The following DST variants were observed in gnomAD, a reference collection of about 807,000 sequenced individuals.
The protein encoded by DST is bullous pemphigoid antigen.
A neutral mutation model predicts 875.2 loss-of-function variants in DST; 253 were observed. The ratio of observed to expected loss-of-function variants is 0.29; its 90% CI spans 0.26 to 0.32. DST has a LOEUF of 0.32. DST is among the 10% of genes least tolerant of loss of function. The pLI, the probability that DST is intolerant of heterozygous loss-of-function variation, is 1.00. For missense variants in DST, 8,287 were observed against 9,111.6 expected (o/e 0.91, Z 3.68); for synonymous variants, 3,124 against 3,197.1 (o/e 0.98, Z 0.77).
At chr6:56,830,043 C>T (rs988217226) in intron 4 of DST, among the ~76,000 whole-genome samples, 1 of 152,144 alleles carries the variant, frequency 6.6e-6, no homozygotes, top group Non-Finnish European at 1.5e-5. Context: ...TAGGCACTAT[C>T]TTATAAATAT....
At chr6:56,551,055 G>A (rs1274115312) in intron 61 of DST, among the ~76,000 whole-genome samples, 8 of 152,102 alleles carry the variant, frequency 5.3e-5, no homozygotes, top group East Asian at 1.9e-4. Context: ...ACAGCTTTGT[G>A]AGCCTTGAAG....
At chr6:56,548,825 A>T (rs1016274361) in intron 61 of DST, among the ~76,000 whole-genome samples, 2 of 152,232 alleles carry the variant, frequency 1.3e-5, no homozygotes, top group Non-Finnish European at 2.9e-5. Context: ...AGAAAAACTT[A>T]TGTACAACAG....
Position 56,477,364 on chromosome 6 carries a change from A to T in DST, c.21656T>A (p.Ile7219Asn). The change falls in exon 91 of 104, where the codon ATC (isoleucine) becomes AAC (asparagine). Residue 7219 changes from isoleucine to asparagine, a missense_variant. Physicochemically the swap from Ile to Asn is moderately radical, Grantham distance 149. Around this residue, in one of 10 missense-constraint regions of DST, gnomAD observed 1,292 missense variants for 1,552.7 expected, o/e 0.83. Coordinates refer to ENST00000680361, the MANE Select transcript of DST (RefSeq NM_001374736.1). Reference protein sequence around the residue: ...ITTIKHWITIIRARFEEVLAW... With the variant: ...ITTIKHWITINRARFEEVLAW... ...ACTGACCTCCTCAAACCTCGCCCGG[A>T]TGATTGTTATCCAGTGCTTAATGGT... 31 of 1,613,940 alleles carry T rather than the reference A, an allele frequency of 1.9e-5. No homozygotes were observed. Among genetic ancestry groups the T allele is most frequent in the Non-Finnish European group, 2.6e-5 (31 of 1,179,840 alleles).
At chr6:56,638,929 G>A (rs567495962) in intron 22 of DST, 28 of 361,864 alleles carry the variant, frequency 7.7e-5, no homozygotes, top group African/African-American at 5.9e-4. Flanking sequence ...AGGAAAATGA[G>A]GCTTGGCAAT....
At chr6:56,898,448 T>C (rs1473052302) in intron 3 of DST, among the ~76,000 whole-genome samples, 2 of 152,232 alleles carry the variant, frequency 1.3e-5, no homozygotes, top group African/African-American at 4.8e-5. Context: ...TTTCTAAACT[T>C]TAATGATAGT....
At chr6:56,504,330 A>G (rs565458350) in intron 77 of DST, among the ~76,000 whole-genome samples, 1 of 152,286 alleles carries the variant, frequency 6.6e-6, no homozygotes, top group African/African-American at 2.4e-5. Context: ...TTGTTTATTC[A>G]ATAGATTCTT....
chr6:56,689,603 CTT>C (rs2099213893), intron 9 of DST, among the ~76,000 whole-genome samples: 1 of 152,186 alleles, frequency 6.6e-6, no homozygotes, highest in Non-Finnish European at 1.5e-5. Flanking sequence ...TGGGGCCAGG[CTT>C]TGAGAAGTAC....
intron 2 of DST, among the ~76,000 whole-genome samples, chr6:56,922,052 T>C (rs1804562086): frequency 6.6e-6 from 1 of 152,132 alleles, no homozygotes; most frequent in Non-Finnish European, 1.5e-5. Flanking sequence ...TCTCCATATA[T>C]ATATATCATT....
chr6:56,510,246 A>G (rs890145864), intron 73 of DST, among the ~76,000 whole-genome samples: 2 of 152,288 alleles, frequency 1.3e-5, no homozygotes, highest in Middle Eastern at 3.4e-3. Context: ...ATCAAGTTCA[A>G]TAAGCTGAGT....
chr6:56,704,886 A>C (rs886200902), intron 5 of DST, among the ~76,000 whole-genome samples: 8 of 152,218 alleles, frequency 5.3e-5, no homozygotes, highest in African/African-American at 1.9e-4. Flanking sequence ...ATTTCAAAAA[A>C]ATTTTTTGAA....
At chr6:56,669,017 CT>C (rs1470721474) in intron 10 of DST, among the ~76,000 whole-genome samples, 5 of 151,794 alleles carry the variant, frequency 3.3e-5, no homozygotes, top group African/African-American at 1.2e-4. Flanking sequence ...CTTGGTAAAC[CT>C]AAGGTTCCTT....
At chr6:56,462,950 A>G (rs776350468) in intron 102 of DST, 96 bp downstream of exon 102, 9 of 657,666 alleles carry the variant, frequency 1.4e-5, no homozygotes, top group African/African-American at 3.6e-5. Context: ...AGGGTTAGCA[A>G]AGTACATATA....
chr6:56,524,578 C>G (rs1323726450), intron 69 of DST, among the ~76,000 whole-genome samples: 1 of 152,092 alleles, frequency 6.6e-6, no homozygotes, highest in Non-Finnish European at 1.5e-5. Flanking sequence ...GCATGCTGGG[C>G]ATGTTCCTCC....
chr6:56,893,632 G>A (rs1192906631), intron 3 of DST, among the ~76,000 whole-genome samples: 1 of 52,258 alleles, frequency 1.9e-5, no homozygotes, highest in Non-Finnish European at 3.2e-5. Context: ...ATCATTCTTG[G>A]GTGTTTCTCG....
At position 56,639,559 on chromosome 6, in the gene DST, C is replaced by T; in HGVS notation, c.2750G>A (p.Ser917Asn). Residue 917 changes from serine to asparagine, a missense_variant, in exon 21 of 104, where the codon AGT (serine) becomes AAT (asparagine). Around this residue, in one of 10 missense-constraint regions of DST, gnomAD observed 1,160 missense variants for 1,424.3 expected, o/e 0.81. Transcript: ENST00000680361. ...CCAAATAAGTTCATTAGTCGCACGA[C>T]TTACAAAATTATGGAGTGTATCAAG... ...RHLDTLHNFV[S>N]RATNELIWLN... 1.9e-6 allele frequency: 3 copies of T among 1,613,854 alleles called. No individual in the cohort carries two copies. Among genetic ancestry groups the T allele is most frequent in the Non-Finnish European group, 2.5e-6 (3 of 1,179,928 alleles).
intron 3 of DST, among the ~76,000 whole-genome samples, chr6:56,884,572 T>C (rs925473873): frequency 2.6e-5 from 4 of 152,188 alleles, no homozygotes; most frequent in African/African-American, 9.7e-5. Context: ...AGGTTCGTTA[T>C]TTTATTAGGG....
rs899864573 is a variant in DST, at chr6:56,608,017, T to A, written c.6611A>T (p.Tyr2204Phe). The change falls in exon 40 of 104, where the codon TAT becomes TTT. Residue 2204 changes from tyrosine to phenylalanine, a missense_variant. By Grantham distance (22) the Tyr-to-Phe change is conservative. Coordinates refer to ENST00000680361, the MANE Select transcript of DST (RefSeq NM_001374736.1). Reference sequence around the variant, plus strand: ...ATCCATATAGCTATTTATCATTAAATAAGATAGAAATAATTTTTTAGTTTC... The same window carrying A: ...ATCCATATAGCTATTTATCATTAAAAAAGATAGAAATAATTTTTTAGTTTC... ...SEETKKLFLS[Y>F]LMINSYMDAN... The A allele has an allele frequency of 1.2e-6, 2 of 1,612,918 alleles. No individual in the cohort carries two copies. Among genetic ancestry groups the A allele is most frequent in the Non-Finnish European group, 8.5e-7 (1 of 1,179,340 alleles).
intron 90 of DST, among the ~76,000 whole-genome samples, chr6:56,478,548 T>G (rs1226248085): frequency 6.6e-6 from 1 of 152,188 alleles, no homozygotes; most frequent in Non-Finnish European, 1.5e-5. Context: ...CTTTCTACCA[T>G]CAGAACTATA....
chr6:56,864,764 A>T (rs1773110238), intron 3 of DST, among the ~76,000 whole-genome samples: 3 of 152,242 alleles, frequency 2.0e-5, no homozygotes, highest in African/African-American at 7.2e-5. Context: ...AAAAGATAAA[A>T]CAAAAACTAG....
Sources: allele counts gnomAD v4.1 joint callset (sites outside exome capture counted in the v4.1 genomes callset), GRCh38; gene constraint gnomAD v4.1.1; regional missense constraint gnomAD v4.1.1; transcripts MANE v1.5; gene names NCBI Gene and HGNC (gene_info 2026-07-23, HGNC 2026-07-21).